Variants in ALG11 observed in about 807,000 individuals in gnomAD.
ALG11 encodes ALG11 alpha-1,2-mannosyltransferase.
Under a neutral mutation model 38.8 loss-of-function variants are expected in ALG11, and 26 were observed. The ratio of observed to expected loss-of-function variants is 0.67; its 90% CI spans 0.49 to 0.93. The LOEUF (loss-of-function observed/expected upper bound fraction) is 0.93. ALG11 is among the 40% of genes least tolerant of loss of function. The pLI, the probability that ALG11 is intolerant of heterozygous loss-of-function variation, is 0.00. For missense variants in ALG11, 535 were observed against 578.8 expected, an observed-to-expected ratio of 0.92 and a Z score of 0.78; for synonymous variants, 199 against 211.6, an observed-to-expected ratio of 0.94 and a Z score of 0.52.
Position 52,029,287 on chromosome 13 carries a change from G to A in ALG11, c.*697G>A, listed in dbSNP as rs1273423380. ...CAGAGCAGCTGGTTTTTCCCCTGGG[G>A]AAGGAGCAGCCAGCCATTGCTCCCA... On this transcript the variant is annotated 3_prime_UTR_variant, in exon 4 of 4. Transcript: ENST00000521508. 4 of 1,614,162 alleles carry A rather than the reference G, an allele frequency of 2.5e-6. No homozygotes were observed. The highest frequency in any genetic ancestry group is 3.4e-6 in the Non-Finnish European group (4 of 1,180,028).
In ALG11 at chr13:52,019,061, A is replaced by G. The variant is rs773542021; in HGVS notation, c.193A>G (p.Ile65Val). ...CAAAAATGGGAAAAATCAAATGGTG[A>G]TTGCATTTTTTCATCCATACTGCAA... ...TSKNGKNQMVIAFFHPYCNAG... is the reference protein window; with the variant it reads ...TSKNGKNQMVVAFFHPYCNAG... Residue 65 changes from isoleucine (I) to valine (V), a missense_variant, in exon 2 of 4, where the codon ATT (isoleucine) becomes GTT (valine). By Grantham distance (29) the Ile-to-Val change is conservative. Coordinates refer to ENST00000521508, the MANE Select transcript of ALG11 (RefSeq NM_001004127.3). The G allele has an allele frequency of 1.2e-6, 2 of 1,614,086 alleles. No homozygotes were observed. The highest frequency in any genetic ancestry group is 1.7e-5 in the Admixed American group (1 of 60,018).
In ALG11 at chr13:52,031,082, C is replaced by A. The variant is rs1435911236; in HGVS notation, c.*2492C>A. ...GAATCCAAAACGAATCACCACACGT[C>A]ACAATAAAGAAGAAAAACTGTAGGT... On this transcript the variant is annotated 3_prime_UTR_variant, in exon 4 of 4. Coordinates refer to ENST00000521508, the MANE Select transcript of ALG11 (RefSeq NM_001004127.3). The A allele has an allele frequency of 1.9e-6, 3 of 1,612,614 alleles. No individual in the cohort carries two copies. The highest frequency in any genetic ancestry group is 2.5e-6 in the Non-Finnish European group (3 of 1,179,340).
rs1315418684 is a variant in ALG11 at position 52,030,437 on chromosome 13, G to C, written c.*1847G>C. 1.2e-6 allele frequency: 2 copies of C among 1,614,114 alleles called. No homozygotes were observed. Among genetic ancestry groups the C allele is most frequent in the Admixed American group, 3.3e-5 (2 of 60,008 alleles). ...AGAGAGGACCCCAAATAATCGGCCT[G>C]ATGCCCCTAAGGAGAAGAAAGAGAA... is the stretch of plus-strand genomic sequence containing the variant. On this transcript the variant is annotated 3_prime_UTR_variant, in exon 4 of 4. Coordinates refer to ENST00000521508, the MANE Select transcript of ALG11 (RefSeq NM_001004127.3).
Position 52,024,840 on chromosome 13 carries a change from G to C in ALG11, c.1110G>C (p.Val370=). The C allele has an allele frequency of 6.2e-7, 1 of 1,613,878 alleles. No homozygotes were observed. Among genetic ancestry groups the C allele is most frequent in the Admixed American group, 1.7e-5 (1 of 60,026 alleles). Residue 370 remains valine (V), a synonymous_variant, in exon 3 of 4, where the codon GTG becomes GTC. Coordinates refer to ENST00000521508, the MANE Select transcript of ALG11 (RefSeq NM_001004127.3). The part of the protein sequence containing the change: ...LSEDLGVQEY[V]EFKINIPFDE... ...AGGATTTAGGAGTTCAAGAATATGT[G>C]GAATTTAAAATAAACATTCCATTTG...
At chr13:52,021,263 G>C (rs888779055) in intron 2 of ALG11, 1 of 152,240 alleles carries the variant, frequency 6.6e-6, no homozygotes, top group Non-Finnish European at 1.5e-5. Flanking sequence ...TGCTTTACAT[G>C]TGTTAGCTCA....
chr13:52,030,196 A>G lies in ALG11; in HGVS notation c.*1606A>G. ...CCGAATTGAGGGCACTATCTCAGAA[A>G]TTGAAGGAAAAACATCAGTCCAGGA... is the stretch of plus-strand genomic sequence containing the variant. On this transcript the variant is annotated 3_prime_UTR_variant, in exon 4 of 4. Transcript: ENST00000521508. 1 of 1,614,232 alleles carries G rather than the reference A, an allele frequency of 6.2e-7. No homozygotes were observed. Among genetic ancestry groups the G allele is most frequent in the Non-Finnish European group, 8.5e-7 (1 of 1,180,042 alleles).
At chr13:52,017,878 A>G (rs1954148209) in intron 1 of ALG11, among the ~76,000 whole-genome samples, 1 of 152,176 alleles carries the variant, frequency 6.6e-6, no homozygotes, top group South Asian at 2.1e-4. Context: ...TCCATCATCA[A>G]CCACCATCCC....
In ALG11 at chr13:52,033,470, G is replaced by T. The variant is rs1201327099; in HGVS notation, c.*4880G>T. ...AAAGAAGTGATTTTTCATTCTCTTG[G>T]ATTCTTTCCAGTGTGGTGCCTTTTA... On this transcript the variant is annotated 3_prime_UTR_variant, in exon 4 of 4. Transcript: ENST00000521508. The T allele has an allele frequency of 1.8e-5, 3 of 166,978 alleles. No individual in the cohort carries two copies. In the Admixed American group the frequency reaches 2.0e-4, roughly 11 times the overall value. The allele number at this position is 166,978 out of a possible 1,614,324, so 10.3% of individuals were successfully genotyped here.
In ALG11 at chr13:52,033,033, T is replaced by A. The variant is rs1055062; in HGVS notation, c.*4443T>A. On this transcript the variant is annotated 3_prime_UTR_variant, in exon 4 of 4. Transcript: ENST00000521508. Reference sequence around the variant, plus strand: ...AAAAAGTTTTCTGGAATTCCGTAAATTATATTTTAAGCTTATTTCTTCAAA... The same window carrying A: ...AAAAAGTTTTCTGGAATTCCGTAAAATATATTTTAAGCTTATTTCTTCAAA... The A allele has an allele frequency of 4.8e-5, 8 of 166,920 alleles. No individual in the cohort carries two copies. The highest frequency in any genetic ancestry group is 1.7e-4 in the African/African-American group (7 of 41,374). The allele number at this position is 166,920 out of a possible 1,614,324, so 10.3% of individuals were successfully genotyped here.
chr13:52,030,111 A>G lies in ALG11; in HGVS notation c.*1521A>G, dbSNP rs774289835. 22 of 1,614,146 alleles carry G rather than the reference A, an allele frequency of 1.4e-5. 1 individual carries two copies. The South Asian group carries it at 2.2e-4, about 16-fold the overall frequency. On this transcript the variant is annotated 3_prime_UTR_variant, in exon 4 of 4. Coordinates refer to ENST00000521508, the MANE Select transcript of ALG11 (RefSeq NM_001004127.3). ...CTTAGAAAAAGATCTGAGCTCAACC[A>G]GGATGCTGAGCCAGCAAGCAGTCAA...
chr13:52,031,792 C>A lies in ALG11; in HGVS notation c.*3202C>A, dbSNP rs1954308523. ...GCTTCTTCATTTACAAACTTCTGAC[C>A]TTTTGACACTAAAGCTGCTCCTTTA... On this transcript the variant is annotated 3_prime_UTR_variant, in exon 4 of 4. Transcript: ENST00000521508. 1 of 167,126 alleles carries A rather than the reference C, an allele frequency of 6.0e-6. No individual in the cohort carries two copies. The highest frequency in any genetic ancestry group is 1.5e-5 in the Non-Finnish European group (1 of 68,132). 10.4% of individuals were successfully genotyped at this position (167,126 alleles called of 1,614,324 possible).
At position 52,012,453 on chromosome 13, in the gene ALG11, A is replaced by AG. The variant is rs1871588365; in HGVS notation, c.36dup (p.Leu13ValfsTer44). 1.2e-6 allele frequency: 2 copies of AG among 1,613,956 alleles called. No homozygotes were observed. Among genetic ancestry groups the AG allele is most frequent in the Non-Finnish European group, 1.7e-6 (2 of 1,180,036 alleles). ...GGCGAAAGGAGCTGGTGCCTGTGCA[A>AG]GTTGTTGAGGTGAGCAGCCGGTCGT... On this transcript the variant is annotated frameshift_variant, in exon 1 of 4. Transcript: ENST00000521508. LOFTEE classifies it high-confidence loss of function.
In ALG11 at chr13:52,030,306, A is replaced by G; in HGVS notation, c.*1716A>G. On this transcript the variant is annotated 3_prime_UTR_variant, in exon 4 of 4. Coordinates refer to ENST00000521508, the MANE Select transcript of ALG11 (RefSeq NM_001004127.3). ...GAAGAAGCGGAACCCCTATTGCTAC[A>G]GAGGTCAGAGAGAGTACAAACTCTG... 6.2e-7 allele frequency: 1 copy of G among 1,614,230 alleles called. No homozygotes were observed. Among genetic ancestry groups the G allele is most frequent in the Non-Finnish European group, 8.5e-7 (1 of 1,180,030 alleles).
intron 1 of ALG11, among the ~76,000 whole-genome samples, chr13:52,014,367 T>G (rs949238073): frequency 6.6e-6 from 1 of 152,166 alleles, no homozygotes; most frequent in Non-Finnish European, 1.5e-5. Flanking sequence ...ATGAAAGAAT[T>G]TTTATTTTCA....
intron 2 of ALG11, among the ~76,000 whole-genome samples, chr13:52,019,629 C>T (rs7320831): frequency 0.57 from 86,893 of 152,028 alleles, 27,357 homozygotes; most frequent in Non-Finnish European, 0.7. Flanking sequence ...TCTTATTTGA[C>T]TTTAGTTACT....
intron 3 of ALG11, among the ~76,000 whole-genome samples, chr13:52,026,571 G>A (rs1954242506): frequency 6.6e-6 from 1 of 152,156 alleles, no homozygotes; most frequent in African/African-American, 2.4e-5. Context: ...ACATTCTGCA[G>A]TAGTATTGAC....
In ALG11 at chr13:52,028,780, T is replaced by C. The variant is rs1457945044; in HGVS notation, c.*190T>C. Reference sequence around the variant, plus strand: ...TAGCCTTCGGCTTCCATTCTTGGTATACATGAGAGAGGCTGGCTGCTGAGA... The same window carrying C: ...TAGCCTTCGGCTTCCATTCTTGGTACACATGAGAGAGGCTGGCTGCTGAGA... On this transcript the variant is annotated 3_prime_UTR_variant, in exon 4 of 4. Coordinates refer to ENST00000521508, the MANE Select transcript of ALG11 (RefSeq NM_001004127.3). The C allele has an allele frequency of 1.2e-6, 2 of 1,614,080 alleles. No homozygotes were observed. The highest frequency in any genetic ancestry group is 4.5e-5 in the East Asian group (2 of 44,898).
intron 3 of ALG11, among the ~76,000 whole-genome samples, chr13:52,025,151 T>C (rs1954228659): frequency 6.6e-6 from 1 of 152,230 alleles, no homozygotes; most frequent in South Asian, 2.1e-4. Flanking sequence ...GGCCACTGTG[T>C]TGAGATTTTT....
Position 52,031,472 on chromosome 13 carries a change from GC to G in ALG11, c.*2884del. On this transcript the variant is annotated 3_prime_UTR_variant, in exon 4 of 4. Transcript: ENST00000521508. The stretch of plus-strand genomic sequence containing the variant: ...TATAGGTGTGTGTAGGGTGGTAGAG[GC>G]CAAGGTGCTGCCAGCAATCCTTTCC... 1 of 204,440 alleles carries G rather than the reference GC, an allele frequency of 4.9e-6. No homozygotes were observed. Among genetic ancestry groups the G allele is most frequent in the Middle Eastern group, 2.3e-3 (1 of 438 alleles). The allele number at this position is 204,440 out of a possible 1,614,324, so 12.7% of individuals were successfully genotyped here.
Sources: gnomAD v4.1 joint callset for allele counts (sites outside exome capture counted in the v4.1 genomes callset) on GRCh38, gnomAD v4.1.1 for gene constraint, MANE v1.5 for transcripts, NCBI Gene and HGNC (gene_info 2026-07-23, HGNC 2026-07-21) for gene names.